The following ARMC3 variants were observed in gnomAD, a reference collection of about 807,000 sequenced individuals.
ARMC3 encodes armadillo repeat-containing protein 3.
A neutral mutation model predicts 90.3 loss-of-function variants in ARMC3; 74 were observed. The observed-to-expected ratio is 0.82, with a 90% CI of 0.68 to 0.99. The LOEUF is 0.99. Among genes scored for constraint, ARMC3 ranks in the 50% least tolerant of loss-of-function variants. ARMC3 has a pLI of 0.00. For synonymous variants in ARMC3, 334 were observed against 361.8 expected (o/e 0.92, Z 0.87); for missense variants, 958 against 1,042.8 (o/e 0.92, Z 1.12).
intron 10 of ARMC3, among the ~76,000 whole-genome samples, chr10:22,994,694 G>C (rs775001229): frequency 6.4e-4 from 98 of 152,284 alleles, no homozygotes; most frequent in Non-Finnish European, 9.0e-4. Flanking sequence ...GAGGGGGTGA[G>C]GAGAGACCTC....
chr10:22,971,973 T>C (rs1034090481), intron 8 of ARMC3, among the ~76,000 whole-genome samples: 6 of 152,242 alleles, frequency 3.9e-5, no homozygotes, highest in African/African-American at 1.4e-4. Context: ...ATCGTGTACT[T>C]ACTGGCCACT....
At chr10:22,986,420 T>C (rs1385348836) in intron 10 of ARMC3, among the ~76,000 whole-genome samples, 5 of 150,878 alleles carry the variant, frequency 3.3e-5, no homozygotes, top group East Asian at 3.9e-4. Context: ...GGAATGGTGG[T>C]GCATATCTGT....
chr10:23,000,078 G>A (rs72812466), intron 11 of ARMC3, among the ~76,000 whole-genome samples: 1 of 152,014 alleles, frequency 6.6e-6, no homozygotes, highest in Non-Finnish European at 1.5e-5. Context: ...TTTCTAACGT[G>A]TGGCCCTGGT....
At chr10:22,930,431 A>G (rs1249189880) in intron 1 of ARMC3, among the ~76,000 whole-genome samples, 1 of 152,246 alleles carries the variant, frequency 6.6e-6, no homozygotes, top group Admixed American at 6.5e-5. Flanking sequence ...GAGTAATTTC[A>G]AATACAAATT....
intron 10 of ARMC3, among the ~76,000 whole-genome samples, chr10:22,985,767 G>T (rs1367610887): frequency 6.6e-6 from 1 of 152,154 alleles, no homozygotes; most frequent in Non-Finnish European, 1.5e-5. Flanking sequence ...GGCTAATGTT[G>T]TAGAGTAAAA....
Position 22,961,870 on chromosome 10 carries a change from G to A in ARMC3, c.538-14G>A. On this transcript the variant is annotated splice_polypyrimidine_tract_variant and intron_variant, in intron 6 of 18. Coordinates refer to ENST00000298032, the MANE Select transcript of ARMC3 (RefSeq NM_173081.5). ...TGCTTAAAAAAATTATTGATCATCT[G>A]TATTTTGTGGCAGGATTTTCAGTGT... The A allele has an allele frequency of 6.3e-7, 1 of 1,578,664 alleles. No individual in the cohort carries two copies.
At chr10:23,011,028 C>T (rs1408089982) in intron 16 of ARMC3, among the ~76,000 whole-genome samples, 1 of 147,018 alleles carries the variant, frequency 6.8e-6, no homozygotes, top group South Asian at 2.2e-4. Context: ...TCCTTCCCTT[C>T]CCTCCTCTCT....
chr10:22,986,322 C>T (rs549467690), intron 10 of ARMC3, among the ~76,000 whole-genome samples: 14 of 152,022 alleles, frequency 9.2e-5, no homozygotes, highest in South Asian at 4.1e-4. Context: ...GAGGCCAAGG[C>T]GGGTGGATTA....
chr10:22,943,073 G>A (rs987253513), intron 2 of ARMC3, among the ~76,000 whole-genome samples: 13 of 152,158 alleles, frequency 8.5e-5, no homozygotes, highest in Non-Finnish European at 1.9e-4. Context: ...TAGGAAAGGA[G>A]TGTGAGGAAA....
chr10:23,010,843 G>T lies in ARMC3; in HGVS notation c.2045+1912G>T, dbSNP rs1217761271. On this transcript the variant is annotated intron_variant, in intron 16 of 18. Coordinates refer to ENST00000298032, the MANE Select transcript of ARMC3 (RefSeq NM_173081.5). ...CCCTTGCCTCTCCTCTCCTTCCCTTGCCTCTCCTCTCCTTCCCTTGCCTCT... is the reference window on the plus strand; with the variant it reads ...CCCTTGCCTCTCCTCTCCTTCCCTTTCCTCTCCTCTCCTTCCCTTGCCTCT... 9.5e-4 allele frequency among the ~76,000 whole-genome samples: 63 copies of T among 66,064 alleles called. 1 individual carries two copies. The highest frequency in any genetic ancestry group is 3.2e-3 in the African/African-American group (54 of 16,634). The allele number at this position is 66,064 out of a possible 152,430, so 43.3% of individuals were successfully genotyped here.
chr10:22,967,401 C>T (rs997546770), intron 7 of ARMC3, among the ~76,000 whole-genome samples: 1 of 152,054 alleles, frequency 6.6e-6, no homozygotes, highest in African/African-American at 2.4e-5. Context: ...AATCTTCAGA[C>T]AATAATGAGA....
At chr10:23,000,838 A>G (rs1319485342) in intron 11 of ARMC3, among the ~76,000 whole-genome samples, 1 of 152,268 alleles carries the variant, frequency 6.6e-6, no homozygotes. Flanking sequence ...AGCTGGTAGA[A>G]TAAGAACATT....
At chr10:23,018,802 C>T (rs1041684031) in intron 16 of ARMC3, among the ~76,000 whole-genome samples, 1 of 152,206 alleles carries the variant, frequency 6.6e-6, no homozygotes, top group Non-Finnish European at 1.5e-5. Context: ...AGGCGTGAGC[C>T]ACCATGCCTG....
intron 4 of ARMC3, among the ~76,000 whole-genome samples, chr10:22,956,752 T>C (rs1213496643): frequency 7.2e-6 from 1 of 139,094 alleles, no homozygotes; most frequent in African/African-American, 2.6e-5. Context: ...GTGATTAATA[T>C]CAATATACAA....
At chr10:23,010,697 CT>C in intron 16 of ARMC3, among the ~76,000 whole-genome samples, 1 of 99,892 alleles carries the variant, frequency 1.0e-5, no homozygotes, top group African/African-American at 4.1e-5. Flanking sequence ...CTTCCTTTCC[CT>C]TCCCCCTCCT....
At chr10:22,949,129 T>C (rs1285800730) in intron 3 of ARMC3, among the ~76,000 whole-genome samples, 1 of 152,140 alleles carries the variant, frequency 6.6e-6, no homozygotes, top group Non-Finnish European at 1.5e-5. Context: ...CTAGTAAATA[T>C]TAAAAGCAAG....
At chr10:23,031,610 CTGAAGTGTTCCTGA>C in intron 17 of ARMC3, among the ~76,000 whole-genome samples, 1 of 152,336 alleles carries the variant, frequency 6.6e-6, no homozygotes, top group East Asian at 1.9e-4. Flanking sequence ...TTTTTGGCTA[CTGAAGTGTTCCTGA>C]TGTCCTTGAG....
intron 1 of ARMC3, among the ~76,000 whole-genome samples, chr10:22,929,702 C>T (rs547256898): frequency 3.3e-5 from 5 of 152,314 alleles, no homozygotes; most frequent in East Asian, 3.9e-4. Context: ...CACATGCCAC[C>T]GCCACTCCAG....
At chr10:22,999,957 T>C (rs993582501) in intron 11 of ARMC3, among the ~76,000 whole-genome samples, 1 of 152,156 alleles carries the variant, frequency 6.6e-6, no homozygotes, top group Non-Finnish European at 1.5e-5. Context: ...AAGGGTCCTG[T>C]TTGTACCTCC....
Sources: gnomAD v4.1 joint callset for allele counts (sites outside exome capture counted in the v4.1 genomes callset) on GRCh38, gnomAD v4.1.1 for gene constraint, MANE v1.5 for transcripts, NCBI Gene and HGNC (gene_info 2026-07-23, HGNC 2026-07-21) for gene names.